Variants in MIR17HG observed in about 807,000 individuals in gnomAD.
The protein encoded by MIR17HG is miR-17-92a-1 cluster host gene.
intron 3 of MIR17HG, chr13:91,350,874 T>G: frequency 1.9e-6 from 1 of 534,728 alleles, no homozygotes; most frequent in South Asian, 1.4e-5. Context: ...ATATAGGTGT[T>G]TTAATAGTTT....
intron 1 of MIR17HG, chr13:91,348,004 T>TGCGGCCCGGGTCTGGCGGGCGGGGCGGA (rs1333466016): frequency 1.3e-5 from 2 of 151,042 alleles, no homozygotes; most frequent in African/African-American, 4.9e-5. Flanking sequence ...ACCTGTTGTG[T>TGCGGCCCGGGTCTGGCGGGCGGGGCGGA]GCGGCCCGGG....
chr13:91,352,795 A>G (rs2138695100), intron 3 of MIR17HG, among the ~76,000 whole-genome samples: 1 of 152,278 alleles, frequency 6.6e-6, no homozygotes, highest in Non-Finnish European at 1.5e-5. Context: ...TTAGTGACAA[A>G]CGTGGCTTTC....
chr13:91,351,854 A>G (rs375047953), intron 3 of MIR17HG: 1 of 159,626 alleles, frequency 6.3e-6, no homozygotes, highest in Non-Finnish European at 1.4e-5. Context: ...TTGGGGTACA[A>G]TTTGTTTCTA....
intron 3 of MIR17HG, chr13:91,350,388 A>G: frequency 3.0e-6 from 1 of 331,388 alleles, no homozygotes; most frequent in Non-Finnish European, 6.0e-6. Context: ...GTTGGTTATG[A>G]TTGCCTTCTG....
chr13:91,354,472 CTGTT>C (rs1875475830), exon 4 of MIR17HG: 1 of 152,110 alleles, frequency 6.6e-6, no homozygotes, highest in Non-Finnish European at 1.5e-5. Context: ...TTTGGTCTGG[CTGTT>C]TGAGTTCTAG....
intron 1 of MIR17HG, among the ~76,000 whole-genome samples, chr13:91,348,610 C>T (rs924268901): frequency 2.6e-5 from 4 of 150,992 alleles, no homozygotes; most frequent in African/African-American, 7.3e-5. Context: ...CTTTGTTAGC[C>T]CGCGTGGGCA....
intron 3 of MIR17HG, among the ~76,000 whole-genome samples, chr13:91,353,570 T>G (rs1242542071): frequency 4.6e-5 from 7 of 152,238 alleles, no homozygotes; most frequent in Admixed American, 4.6e-4. Flanking sequence ...GTAAGTATTG[T>G]ATAAAAAGAT....
At chr13:91,351,268 CTG>C (rs750642161) in intron 3 of MIR17HG, 4 of 531,546 alleles carry the variant, frequency 7.5e-6, no homozygotes, top group Admixed American at 1.9e-5. Flanking sequence ...GCAAAACTGA[CTG>C]TGGTAGTGAA....
chr13:91,350,714 C>CT (rs773882758), intron 3 of MIR17HG: 17 of 533,778 alleles, frequency 3.2e-5, no homozygotes, highest in Non-Finnish European at 5.8e-5. Context: ...CCAAGTTGGG[C>CT]TTTAAAGTGC....
chr13:91,353,228 A>T (rs1046478664), intron 3 of MIR17HG, among the ~76,000 whole-genome samples: 1 of 151,068 alleles, frequency 6.6e-6, no homozygotes, highest in African/African-American at 2.4e-5. Flanking sequence ...GAACAGTGTG[A>T]TAGGAAGCCT....
At chr13:91,348,909 C>T (rs922745109) in intron 1 of MIR17HG, among the ~76,000 whole-genome samples, 2 of 149,098 alleles carry the variant, frequency 1.3e-5, no homozygotes, top group African/African-American at 4.9e-5. Context: ...GCCCCCGCCC[C>T]TCTGGGCCGG....
intron 1 of MIR17HG, chr13:91,349,557 T>G (rs1425204740): frequency 1.3e-5 from 2 of 152,138 alleles, no homozygotes; most frequent in African/African-American, 4.8e-5. Context: ...CTGCTAGTAT[T>G]GCTCGACTCT....
intron 1 of MIR17HG, among the ~76,000 whole-genome samples, chr13:91,348,875 T>A (rs1339464127): frequency 6.8e-6 from 1 of 147,544 alleles, no homozygotes. Context: ...TCGGGCCGCG[T>A]GCGACGGGCA....
chr13:91,353,402 GTA>G (rs1875424180), intron 3 of MIR17HG, among the ~76,000 whole-genome samples: 1 of 152,150 alleles, frequency 6.6e-6, no homozygotes, highest in East Asian at 1.9e-4. Flanking sequence ...TAATAAATGT[GTA>G]TGTTTTGTTG....
At chr13:91,351,101 G>C (rs1237437375) in intron 3 of MIR17HG, 1 of 524,284 alleles carries the variant, frequency 1.9e-6, no homozygotes. Flanking sequence ...GTAGTGTTTA[G>C]TTATCTACTG....
chr13:91,352,659 G>GA (rs1403137946), intron 3 of MIR17HG, among the ~76,000 whole-genome samples: 4 of 152,170 alleles, frequency 2.6e-5, no homozygotes, highest in Non-Finnish European at 5.9e-5. Context: ...TGGAGTTGAT[G>GA]AAAACATAAA....
At chr13:91,352,928 G>A (rs1277436444) in intron 3 of MIR17HG, among the ~76,000 whole-genome samples, 3 of 151,790 alleles carry the variant, frequency 2.0e-5, no homozygotes, top group African/African-American at 7.3e-5. Context: ...GGCCGACATG[G>A]TGAAACGCTG....
chr13:91,351,561 A>G (rs1179250709), intron 3 of MIR17HG: 2 of 333,318 alleles, frequency 6.0e-6, no homozygotes, highest in Non-Finnish European at 6.2e-6. Context: ...GTTGCGTGTC[A>G]GATTTGGCAG....
At chr13:91,348,873 C>G (rs1875113342) in intron 1 of MIR17HG, among the ~76,000 whole-genome samples, 1 of 148,874 alleles carries the variant, frequency 6.7e-6, no homozygotes, top group Admixed American at 6.7e-5. Context: ...CCTCGGGCCG[C>G]GTGCGACGGG....
Sources: gnomAD v4.1 joint callset for allele counts (sites outside exome capture counted in the v4.1 genomes callset) on GRCh38, gnomAD v4.1.1 for gene constraint, MANE v1.5 for transcripts, NCBI Gene and HGNC (gene_info 2026-07-23, HGNC 2026-07-21) for gene names.